Variants in HIVEP3 observed in about 807,000 individuals in gnomAD.
HIVEP3 encodes the protein transcription factor HIVEP3.
In HIVEP3, 49 loss-of-function variants were observed where a neutral mutation model predicts 152.8. The ratio of observed to expected loss-of-function variants is 0.32; its 90% CI spans 0.26 to 0.41. The LOEUF (loss-of-function observed/expected upper bound fraction) is 0.41. Ranked by LOEUF, HIVEP3 falls within the 10% of genes least tolerant of loss-of-function variation. The pLI, the probability that HIVEP3 is intolerant of heterozygous loss-of-function variation, is 1.00. For synonymous variants in HIVEP3, 1,269 were observed against 1,289.0 expected (o/e 0.98, Z 0.33); for missense variants, 2,790 against 3,103.3 (o/e 0.90, Z 2.40).
rs75377521 is a variant in HIVEP3 at position 41,916,061 on chromosome 1, C to A, written c.-801+2352G>T. Among the ~76,000 whole-genome samples, 645 of 152,326 alleles carry A rather than the reference C, an allele frequency of 4.2e-3. 3 individuals carry two copies. Among genetic ancestry groups the A allele is most frequent in the Non-Finnish European group, 7.3e-3 (494 of 68,038 alleles). ...TAAATGCTATCCAGTTGTCACACAG[C>A]TTTCTTAATGTTATCTTTCATCAAA... On this transcript the variant is annotated intron_variant, in intron 1 of 8. Transcript: ENST00000372583.
At chr1:41,742,396 C>T (rs1290995227) in intron 1 of HIVEP3, among the ~76,000 whole-genome samples, 1 of 152,228 alleles carries the variant, frequency 6.6e-6, no homozygotes, top group Admixed American at 6.5e-5. Context: ...TTGACTCAGA[C>T]ACACATCACA....
At position 41,743,590 on chromosome 1, in the gene HIVEP3, G is replaced by A. The variant is rs554757904; in HGVS notation, c.-800-42595C>T. On this transcript the variant is annotated intron_variant, in intron 1 of 8. Transcript: ENST00000372583. ...ACAGCTGCCCCTTTCTGAATGTCCC[G>A]TCCTATCCTTCCTTCAAGGCCTGAG... Among the ~76,000 whole-genome samples, 13 of 152,234 alleles carry A rather than the reference G, an allele frequency of 8.5e-5. No individual in the cohort carries two copies. The East Asian group carries it at 1.2e-3, about 14-fold the overall frequency.
chr1:41,652,221 T>C lies in HIVEP3; in HGVS notation c.-720-23274A>G, dbSNP rs1645561660. Among the ~76,000 whole-genome samples, 5 of 152,334 alleles carry C rather than the reference T, an allele frequency of 3.3e-5. No individual in the cohort carries two copies. In the South Asian group the frequency reaches 1.0e-3, roughly 32 times the overall value. On this transcript the variant is annotated intron_variant, in intron 2 of 8. Transcript: ENST00000372583. ...ACCACTTCATCACGAGTTAGTTCTTTCTGAAGCCTTCCCATATGTCCCTTG... is the reference window on the plus strand; with the variant it reads ...ACCACTTCATCACGAGTTAGTTCTTCCTGAAGCCTTCCCATATGTCCCTTG...
chr1:41,609,304 C>T (rs1644865179), intron 3 of HIVEP3, among the ~76,000 whole-genome samples: 1 of 152,198 alleles, frequency 6.6e-6, no homozygotes, highest in Non-Finnish European at 1.5e-5. Context: ...AACCTGGGCC[C>T]CCACCGATGC....
intron 3 of HIVEP3, among the ~76,000 whole-genome samples, chr1:41,593,881 G>A (rs1345636477): frequency 6.6e-6 from 1 of 152,232 alleles, no homozygotes; most frequent in Non-Finnish European, 1.5e-5. Context: ...CCCTAGAGGA[G>A]AATCCCTTTC....
intron 1 of HIVEP3, among the ~76,000 whole-genome samples, chr1:41,815,768 ATTG>A (rs911817558): frequency 3.8e-5 from 5 of 132,348 alleles, no homozygotes; most frequent in African/African-American, 8.4e-5. Flanking sequence ...TTTTTTTTTT[ATTG>A]TTGTTGTTGT....
At chr1:41,942,545 C>A (rs188546825) in intron 1 of HIVEP3, among the ~76,000 whole-genome samples, 19 of 152,328 alleles carry the variant, frequency 1.2e-4, no homozygotes, top group Admixed American at 7.8e-4. Context: ...CCCTATGGAA[C>A]TTTTTTGCAA....
At chr1:41,704,817 G>A (rs1210367878) in intron 1 of HIVEP3, among the ~76,000 whole-genome samples, 2 of 152,250 alleles carry the variant, frequency 1.3e-5, no homozygotes, top group East Asian at 3.8e-4. Context: ...GAAAGGCATT[G>A]TCAAGATCAT....
At chr1:41,520,543 C>T (rs1206123057) in intron 6 of HIVEP3, among the ~76,000 whole-genome samples, 1 of 152,126 alleles carries the variant, frequency 6.6e-6, no homozygotes, top group South Asian at 2.1e-4. Context: ...GGGTCTTCCG[C>T]GGATCAGAGA....
intron 1 of HIVEP3, among the ~76,000 whole-genome samples, chr1:42,019,498 T>C (rs1333520910): frequency 1.4e-5 from 2 of 147,092 alleles, no homozygotes; most frequent in South Asian, 2.3e-4. Flanking sequence ...TCTGAGGCTA[T>C]TGTAAATGGT....
intron 1 of HIVEP3, among the ~76,000 whole-genome samples, chr1:42,021,736 C>A (rs757816221): frequency 1.8e-4 from 27 of 152,140 alleles, no homozygotes; most frequent in Non-Finnish European, 2.8e-4. Flanking sequence ...AGATTCAGAG[C>A]AAAGACTGAG....
chr1:41,592,598 A>G (rs1222848900), intron 3 of HIVEP3, among the ~76,000 whole-genome samples: 2 of 152,138 alleles, frequency 1.3e-5, no homozygotes, highest in African/African-American at 4.8e-5. Context: ...GGACTGACTG[A>G]GAGGTGGACT....
chr1:41,784,093 G>A (rs1461257132), intron 1 of HIVEP3, among the ~76,000 whole-genome samples: 1 of 152,204 alleles, frequency 6.6e-6, no homozygotes, highest in Non-Finnish European at 1.5e-5. Context: ...ATGACAATCA[G>A]GCAGGAGGGA....
chr1:41,837,051 C>T (rs1420531215), intron 1 of HIVEP3, among the ~76,000 whole-genome samples: 1 of 152,232 alleles, frequency 6.6e-6, no homozygotes, highest in Non-Finnish European at 1.5e-5. Context: ...CCTTGCCCTT[C>T]TCTTCAGCTT....
At chr1:41,919,188 T>C (rs551507956), upstream of HIVEP3, among the ~76,000 whole-genome samples, 27 of 152,014 alleles carry the variant, frequency 1.8e-4, no homozygotes, top group African/African-American at 6.5e-4. Context: ...TAAATATTTA[T>C]TGCACTGATG....
At chr1:41,827,981 C>T (rs574722173) in intron 1 of HIVEP3, among the ~76,000 whole-genome samples, 2 of 152,142 alleles carry the variant, frequency 1.3e-5, no homozygotes, top group African/African-American at 4.8e-5. Flanking sequence ...CCTTGTCACT[C>T]CTAGGACAGC....
intron 2 of HIVEP3, 57 bp from the exon 3 acceptor site, chr1:41,629,004 A>G: frequency 8.4e-7 from 1 of 1,190,600 alleles, no homozygotes. Flanking sequence ...ACTTTTTTAG[A>G]CACAGAACAA....
At chr1:42,017,081 C>T (rs765450925) in intron 1 of HIVEP3, among the ~76,000 whole-genome samples, 2 of 152,036 alleles carry the variant, frequency 1.3e-5, no homozygotes, top group Non-Finnish European at 2.9e-5. Context: ...TGACTGGCAA[C>T]ACATAATACA....
At chr1:41,588,423 T>C (rs778772843) in intron 3 of HIVEP3, among the ~76,000 whole-genome samples, 3 of 152,042 alleles carry the variant, frequency 2.0e-5, no homozygotes, top group South Asian at 4.1e-4. Flanking sequence ...GACTCTACAT[T>C]GCTTAGTCCT....
Sources: gnomAD v4.1 joint callset for allele counts (sites outside exome capture counted in the v4.1 genomes callset) on GRCh38, gnomAD v4.1.1 for gene constraint, MANE v1.5 for transcripts, NCBI Gene and HGNC (gene_info 2026-07-23, HGNC 2026-07-21) for gene names.